The following ETV6 variants were observed in gnomAD, a reference collection of about 807,000 sequenced individuals.
ETV6 encodes transcription factor ETV6.
Under a neutral mutation model 51.1 loss-of-function variants are expected in ETV6, and 16 were observed. That is an observed-to-expected ratio of 0.31 (90% CI 0.21 to 0.48). The LOEUF (loss-of-function observed/expected upper bound fraction) is 0.48. ETV6 is among the 20% of genes least tolerant of loss of function. The pLI is 0.99. For missense variants in ETV6, 458 were observed against 594.8 expected (o/e 0.77, Z 2.39); for synonymous variants, 240 against 224.1 (o/e 1.07, Z -0.64).
intron 1 of ETV6, among the ~76,000 whole-genome samples, chr12:11,690,579 A>G (rs1864735525): frequency 6.6e-6 from 1 of 151,994 alleles, no homozygotes; most frequent in Non-Finnish European, 1.5e-5. Flanking sequence ...CAACGGAGCA[A>G]GACTCTGTCT....
chr12:11,706,712 T>C (rs1865078793), intron 1 of ETV6, among the ~76,000 whole-genome samples: 1 of 152,222 alleles, frequency 6.6e-6, no homozygotes, highest in Admixed American at 6.5e-5. Context: ...CAGCTGCCCT[T>C]GCAGGGCCCG....
At chr12:11,794,178 TTC>T (rs941243572) in intron 2 of ETV6, among the ~76,000 whole-genome samples, 6 of 152,096 alleles carry the variant, frequency 3.9e-5, no homozygotes, top group African/African-American at 1.4e-4. Flanking sequence ...GCCTCTCTCT[TTC>T]TCTCTCTCCA....
At chr12:11,656,736 G>A (rs1469495413) in intron 1 of ETV6, among the ~76,000 whole-genome samples, 1 of 152,106 alleles carries the variant, frequency 6.6e-6, no homozygotes, top group Non-Finnish European at 1.5e-5. Context: ...TTGGAAATCT[G>A]AGAGATTGTG....
At chr12:11,747,877 C>T (rs936937610) in intron 1 of ETV6, among the ~76,000 whole-genome samples, 6 of 152,130 alleles carry the variant, frequency 3.9e-5, no homozygotes, top group African/African-American at 1.4e-4. Context: ...TTTTTGCAGC[C>T]AGAAGAGTGT....
intron 2 of ETV6, among the ~76,000 whole-genome samples, chr12:11,769,150 C>T (rs571515838): frequency 2.0e-5 from 3 of 152,332 alleles, no homozygotes; most frequent in Non-Finnish European, 4.4e-5. Context: ...CATAGCTCTT[C>T]ACAGAACATA....
At chr12:11,766,670 T>G (rs1467071767) in intron 2 of ETV6, among the ~76,000 whole-genome samples, 3 of 152,098 alleles carry the variant, frequency 2.0e-5, no homozygotes, top group Non-Finnish European at 4.4e-5. Context: ...CCTTATAGGT[T>G]ATGTGACAGC....
At position 11,650,498 on chromosome 12, in the gene ETV6, A is replaced by AAC. The variant is rs1555109526; in HGVS notation, c.33+339_33+340insCA. 3.7e-4 allele frequency among the ~76,000 whole-genome samples: 31 copies of AAC among 82,678 alleles called. 1 individual carries two copies. Among genetic ancestry groups the AAC allele is most frequent in the Non-Finnish European group, 6.0e-4 (22 of 36,524 alleles). 54.2% of individuals were successfully genotyped at this position (82,678 alleles called of 152,430 possible). A position where few individuals can be genotyped will look rare whatever the true frequency, so the allele number is the denominator to read the frequency against. On this transcript the variant is annotated intron_variant, in intron 1 of 7. Coordinates refer to ENST00000396373, the MANE Select transcript of ETV6 (RefSeq NM_001987.5). ...AGTGCGCTTAAAAAAAAAAAAAACAAAAAACAAAAAAAAAAAACCTGCTCC... is the reference window on the plus strand; with the variant it reads ...AGTGCGCTTAAAAAAAAAAAAAACAAACAAAACAAAAAAAAAAAACCTGCTCC...
At chr12:11,860,202 A>G (rs1946695552) in intron 4 of ETV6, among the ~76,000 whole-genome samples, 1 of 152,210 alleles carries the variant, frequency 6.6e-6, no homozygotes, top group Admixed American at 6.5e-5. Flanking sequence ...TAGCTGCTCA[A>G]GTCACATCCT....
chr12:11,763,372 T>C (rs1945120066), intron 2 of ETV6, among the ~76,000 whole-genome samples: 1 of 152,206 alleles, frequency 6.6e-6, no homozygotes, highest in Non-Finnish European at 1.5e-5. Flanking sequence ...TTATTAAAGG[T>C]CTTTTAGGAA....
chr12:11,829,506 A>G (rs564124287), intron 2 of ETV6, among the ~76,000 whole-genome samples: 5 of 152,196 alleles, frequency 3.3e-5, no homozygotes, highest in African/African-American at 1.2e-4. Context: ...AAAATGCTAC[A>G]TGGCTCTCAC....
rs552695884 is a variant in ETV6, at chr12:11,782,136, T to C, written c.163+29557T>C. The stretch of plus-strand genomic sequence containing the variant: ...AAAAAGTCAGGATAGACTGTCAAGT[T>C]ATTTGCTGAAATCAGATGCACTGCT... On this transcript the variant is annotated intron_variant, in intron 2 of 7. Transcript: ENST00000396373. 5.2e-4 allele frequency among the ~76,000 whole-genome samples: 79 copies of C among 152,316 alleles called. 1 individual carries two copies. Among genetic ancestry groups the C allele is most frequent in the African/African-American group, 1.8e-3 (76 of 41,572 alleles).
Position 11,835,278 on chromosome 12 carries a change from A to G in ETV6, c.164-3862A>G, listed in dbSNP as rs1946300521. Among the ~76,000 whole-genome samples the G allele has an allele frequency of 2.6e-5, 4 of 152,270 alleles. No individual in the cohort carries two copies. The South Asian group carries it at 8.3e-4, about 31-fold the overall frequency. ...AATTGGCATTAAAAATGCTGATCTTAGTAAATGGCCCTCAAGAGGCACGCT... is the reference window on the plus strand; with the variant it reads ...AATTGGCATTAAAAATGCTGATCTTGGTAAATGGCCCTCAAGAGGCACGCT... On this transcript the variant is annotated intron_variant, in intron 2 of 7. Transcript: ENST00000396373.
Position 11,894,582 on chromosome 12 carries a change from A to T in ETV6, c.*3536A>T. 4.3e-6 allele frequency: 1 copy of T among 233,306 alleles called. No homozygotes were observed. Among genetic ancestry groups the T allele is most frequent in the Non-Finnish European group, 8.5e-6 (1 of 118,048 alleles). The allele number at this position is 233,306 out of a possible 1,614,324, so 14.5% of individuals were successfully genotyped here. ...GAACCCTCTGATCCAATGTCTTTTGATACTGATCTCTTGTCCAAATGAGAA... is the reference window on the plus strand; with the variant it reads ...GAACCCTCTGATCCAATGTCTTTTGTTACTGATCTCTTGTCCAAATGAGAA... On this transcript the variant is annotated 3_prime_UTR_variant, in exon 8 of 8. Coordinates refer to ENST00000396373, the MANE Select transcript of ETV6 (RefSeq NM_001987.5).
At chr12:11,650,293 A>G in intron 1 of ETV6, 133 bp downstream of exon 1, 2 of 790,670 alleles carry the variant, frequency 2.5e-6, no homozygotes, top group Admixed American at 3.6e-5. Flanking sequence ...GCGAGAGGGA[A>G]AGAGATGCAG....
At chr12:11,870,320 T>C (rs1227627262) in intron 5 of ETV6, among the ~76,000 whole-genome samples, 1 of 152,182 alleles carries the variant, frequency 6.6e-6, no homozygotes, top group Admixed American at 6.5e-5. Context: ...AGCTAATTAA[T>C]GACCAGACAC....
intron 1 of ETV6, among the ~76,000 whole-genome samples, chr12:11,736,601 A>G (rs1321545490): frequency 1.3e-5 from 2 of 152,168 alleles, no homozygotes; most frequent in African/African-American, 4.8e-5. Context: ...TAAAGTATCT[A>G]TTTCGAGAGG....
In ETV6 at chr12:11,893,260, A is replaced by G; in HGVS notation, c.*2214A>G. The G allele has an allele frequency of 4.3e-6, 1 of 232,704 alleles. No homozygotes were observed. The highest frequency in any genetic ancestry group is 6.1e-5 in the East Asian group (1 of 16,500). 14.4% of individuals were successfully genotyped at this position (232,704 alleles called of 1,614,324 possible). On this transcript the variant is annotated 3_prime_UTR_variant, in exon 8 of 8. Coordinates refer to ENST00000396373, the MANE Select transcript of ETV6 (RefSeq NM_001987.5). ...TTTTTTACTGCATCCCTCTGTATGA[A>G]TATGAAATCAGAGACCAGGGCATGA...
At chr12:11,842,772 C>T (rs1460177652) in intron 3 of ETV6, among the ~76,000 whole-genome samples, 1 of 152,186 alleles carries the variant, frequency 6.6e-6, no homozygotes, top group East Asian at 1.9e-4. Flanking sequence ...AGCAGGAAAG[C>T]TAGTTAGAGT....
intron 1 of ETV6, among the ~76,000 whole-genome samples, chr12:11,708,691 A>G (rs1231652265): frequency 1.3e-5 from 2 of 152,188 alleles, no homozygotes; most frequent in Non-Finnish European, 2.9e-5. Context: ...TCTCAAGTCA[A>G]CTTTTGGAGC....
Sources: allele counts gnomAD v4.1 joint callset (sites outside exome capture counted in the v4.1 genomes callset), GRCh38; gene constraint gnomAD v4.1.1; transcripts MANE v1.5; gene names NCBI Gene and HGNC (gene_info 2026-07-23, HGNC 2026-07-21).